The following CSK variants were observed in gnomAD, a reference collection of about 807,000 sequenced individuals.
The protein encoded by CSK is C-terminal Src kinase.
A neutral mutation model predicts 62.3 loss-of-function variants in CSK; 7 were observed. That is an observed-to-expected ratio of 0.11 (90% CI 0.06 to 0.21). The LOEUF (loss-of-function observed/expected upper bound fraction) is 0.21, where lower values mean the gene tolerates loss of function less well. CSK is among the 10% of genes least tolerant of loss of function. The pLI is 1.00. For missense variants in CSK, 294 were observed against 613.5 expected, an observed-to-expected ratio of 0.48 and a Z score of 5.50; for synonymous variants, 237 against 246.0, an observed-to-expected ratio of 0.96 and a Z score of 0.34.
At chr15:74,789,908 A>T (rs996902999) in intron 1 of CSK, among the ~76,000 whole-genome samples, 2 of 152,206 alleles carry the variant, frequency 1.3e-5, no homozygotes, top group African/African-American at 4.8e-5. Flanking sequence ...GGTTCCCAGC[A>T]TCCAGCCCTG....
At chr15:74,800,363 T>TGGGGCACCTTGGGCTGTCTC (rs1567219051) in intron 5 of CSK, 49 bp from the exon 6 acceptor site, 1 of 1,555,104 alleles carries the variant, frequency 6.4e-7, no homozygotes, top group Admixed American at 1.7e-5. Flanking sequence ...ACGGTGCATA[T>TGGGGCACCTTGGGCTGTCTC]GGGGCACCTT....
At position 74,800,887 on chromosome 15, in the gene CSK, TGCCCAGGCCTTCCTGGCTGAA is replaced by T; in HGVS notation, c.691_711del (p.Gln231_Ala237del). 6.2e-7 allele frequency: 1 copy of T among 1,613,116 alleles called. No individual in the cohort carries two copies. On this transcript the variant is annotated inframe_deletion, in exon 8 of 13. Transcript: ENST00000220003. The stretch of plus-strand genomic sequence containing the variant: ...TCAAGTGCATTAAGAACGACGCCAC[TGCCCAGGCCTTCCTGGCTGAA>T]GCCTCAGTCATGACGTGAGTGGGGG...
intron 7 of CSK, 22 bp downstream of exon 7, chr15:74,800,768 G>A: frequency 6.3e-7 from 1 of 1,583,372 alleles, no homozygotes. Context: ...CGGGCCCCCT[G>A]GGGGGGTTCT....
intron 1 of CSK, among the ~76,000 whole-genome samples, chr15:74,792,317 G>A (rs751444308): frequency 6.6e-6 from 1 of 152,156 alleles, no homozygotes; most frequent in Non-Finnish European, 1.5e-5. Context: ...TAAAGGAGGA[G>A]GAGAGAGTGT....
At chr15:74,789,202 A>G (rs934258340) in intron 1 of CSK, among the ~76,000 whole-genome samples, 2 of 152,200 alleles carry the variant, frequency 1.3e-5, no homozygotes, top group Non-Finnish European at 2.9e-5. Flanking sequence ...CAGGGTGCTG[A>G]CGGGAGCCCC....
At chr15:74,793,442 C>A (rs1279270531) in intron 1 of CSK, among the ~76,000 whole-genome samples, 3 of 152,188 alleles carry the variant, frequency 2.0e-5, no homozygotes, top group African/African-American at 7.2e-5. Context: ...GTCCCCATGG[C>A]AACTCCTGGG....
chr15:74,797,284 G>A (rs976303756), intron 1 of CSK, among the ~76,000 whole-genome samples: 9 of 152,312 alleles, frequency 5.9e-5, no homozygotes, highest in South Asian at 4.1e-4. Context: ...GGCCAGGCAC[G>A]GTGACTGGCA....
chr15:74,800,767 T>G (rs767618690), intron 7 of CSK, 21 bp downstream of exon 7: 2 of 1,584,142 alleles, frequency 1.3e-6, no homozygotes, highest in East Asian at 4.6e-5. Flanking sequence ...CCGGGCCCCC[T>G]GGGGGGGTTC....
chr15:74,788,057 G>A (rs1348344750), intron 1 of CSK, among the ~76,000 whole-genome samples: 14 of 152,176 alleles, frequency 9.2e-5, no homozygotes, highest in Admixed American at 9.2e-4. Context: ...GCGTGGGCTG[G>A]GGCAGCCTGG....
intron 1 of CSK, among the ~76,000 whole-genome samples, chr15:74,787,941 T>C (rs1280785266): frequency 6.6e-6 from 1 of 152,156 alleles, no homozygotes; most frequent in African/African-American, 2.4e-5. Flanking sequence ...GAGCAAACCC[T>C]GAGAGCGCCT....
In CSK at chr15:74,798,504, C is replaced by A; in HGVS notation, c.16-111C>A. On this transcript the variant is annotated intron_variant, in intron 2 of 12. Transcript: ENST00000220003. This position sits in a 1 kb window ranked among gnomAD's most constrained non-coding sequence, Gnocchi z 6.6. Reference sequence around the variant, plus strand: ...CAGGGCTCGTTCTCCGGGCAGAGCACCTCACCCAGGCTCACAGAGGCCAGC... The same window carrying A: ...CAGGGCTCGTTCTCCGGGCAGAGCAACTCACCCAGGCTCACAGAGGCCAGC... The A allele has an allele frequency of 1.6e-6, 2 of 1,247,898 alleles. No homozygotes were observed. Among genetic ancestry groups the A allele is most frequent in the Non-Finnish European group, 2.3e-6 (2 of 868,870 alleles). 77.3% of individuals were successfully genotyped at this position (1,247,898 alleles called of 1,614,324 possible). A position where few individuals can be genotyped will look rare whatever the true frequency, so the allele number is the denominator to read the frequency against.
intron 1 of CSK, among the ~76,000 whole-genome samples, chr15:74,786,897 C>G (rs1037403509): frequency 1.3e-5 from 2 of 152,230 alleles, no homozygotes; most frequent in African/African-American, 4.8e-5. Flanking sequence ...AGCTGCCAAA[C>G]TTTGGCCTGT....
At chr15:74,790,357 G>A (rs1366953964) in intron 1 of CSK, among the ~76,000 whole-genome samples, 1 of 152,242 alleles carries the variant, frequency 6.6e-6, no homozygotes, top group African/African-American at 2.4e-5. Flanking sequence ...TGGCCTTGGG[G>A]GTCTACAGCT....
intron 1 of CSK, among the ~76,000 whole-genome samples, chr15:74,785,388 G>A (rs768679419): frequency 1.3e-5 from 2 of 152,216 alleles, no homozygotes; most frequent in South Asian, 2.1e-4. Context: ...TGTGGTTGTC[G>A]TTACTATGAG....
At chr15:74,789,097 T>TC (rs1255577263) in intron 1 of CSK, among the ~76,000 whole-genome samples, 3 of 152,224 alleles carry the variant, frequency 2.0e-5, no homozygotes, top group Admixed American at 2.0e-4. Flanking sequence ...AGACGGGATT[T>TC]CCGGTCCCAC....
At chr15:74,795,457 G>A (rs975982670) in intron 1 of CSK, among the ~76,000 whole-genome samples, 3 of 152,194 alleles carry the variant, frequency 2.0e-5, no homozygotes, top group Admixed American at 6.5e-5. Context: ...CAGCAAAGAG[G>A]CTCATGGAGG....
chr15:74,786,740 A>G (rs565049193), intron 1 of CSK, among the ~76,000 whole-genome samples: 1 of 152,258 alleles, frequency 6.6e-6, no homozygotes, highest in Admixed American at 6.5e-5. Flanking sequence ...CAGTAGCAGG[A>G]CACCAGTCTC....
Position 74,782,092 on chromosome 15 carries a change from C to A in CSK, c.-694C>A, listed in dbSNP as rs1471613393. ...TGCCGCGGGCGGAGGATCCGGGCCG[C>A]GCTTCCTCTCGCCAGGCCTGCGAGC... On this transcript the variant is annotated 5_prime_UTR_variant, in exon 1 of 13. Coordinates refer to ENST00000220003, the MANE Select transcript of CSK (RefSeq NM_004383.3). The surrounding 1 kb of genome is among the most constrained non-coding windows in gnomAD (Gnocchi z 5.7). 2 of 147,870 alleles carry A rather than the reference C, an allele frequency of 1.4e-5. No homozygotes were observed. Among genetic ancestry groups the A allele is most frequent in the Non-Finnish European group, 3.0e-5 (2 of 66,040 alleles). The allele number at this position is 147,870 out of a possible 1,614,324, so 9.2% of individuals were successfully genotyped here.
rs1365544433 is a variant in CSK, at chr15:74,782,399, GCGACGTT to G, written c.-385_-379del. The G allele has an allele frequency of 6.6e-6, 1 of 151,346 alleles. No individual in the cohort carries two copies. Among genetic ancestry groups the G allele is most frequent in the East Asian group, 1.9e-4 (1 of 5,160 alleles). The allele number at this position is 151,346 out of a possible 1,614,324, so 9.4% of individuals were successfully genotyped here. On this transcript the variant is annotated 5_prime_UTR_variant, in exon 1 of 13. Coordinates refer to ENST00000220003, the MANE Select transcript of CSK (RefSeq NM_004383.3). The surrounding 1 kb of genome is among the most constrained non-coding windows in gnomAD (Gnocchi z 5.7). ...TCCGGGGCGGCCCCCGGCAGCCAGC[GCGACGTT>G]CCAAAATCGAACCTCAGTGGCGGCG...
Sources: allele counts gnomAD v4.1 joint callset (sites outside exome capture counted in the v4.1 genomes callset), GRCh38; gene constraint gnomAD v4.1.1; non-coding constraint Gnocchi (gnomAD v3.1); transcripts MANE v1.5; gene names NCBI Gene and HGNC (gene_info 2026-07-23, HGNC 2026-07-21).